EED: variants seen among roughly 807,000 people sequenced by gnomAD.
EED encodes the protein polycomb protein EED.
In EED, 9 loss-of-function variants were observed where a neutral mutation model predicts 61.0. That is an observed-to-expected ratio of 0.15 (90% CI 0.09 to 0.26). EED has a LOEUF of 0.26. EED is among the 10% of genes least tolerant of loss of function. The probability of loss-of-function intolerance (pLI) is 1.00; values close to 1 mark genes in which losing one functional copy is unlikely to be tolerated. For missense variants in EED, 315 were observed against 542.3 expected, an observed-to-expected ratio of 0.58 and a Z score of 4.16; for synonymous variants, 187 against 174.4, an observed-to-expected ratio of 1.07 and a Z score of -0.57.
intron 1 of EED, among the ~76,000 whole-genome samples, chr11:86,247,368 C>T (rs1474666090): frequency 6.6e-6 from 1 of 152,168 alleles, no homozygotes; most frequent in African/African-American, 2.4e-5. Flanking sequence ...AAATTGTACA[C>T]CATGTTATAA....
At chr11:86,280,182 C>T (rs979961081), downstream of EED, among the ~76,000 whole-genome samples, 7 of 152,118 alleles carry the variant, frequency 4.6e-5, no homozygotes, top group African/African-American at 1.7e-4. Flanking sequence ...CCTCTGTCTC[C>T]CAGGCTCAAG....
chr11:86,250,311 A>G lies in EED; in HGVS notation c.130A>G (p.Ile44Val), dbSNP rs749513327. ...CTGCTTACAGGATGACGCTGTCAGT[A>G]TAGAAAGTGGTACAAACACTGAACG... ...SGDENDDAVS[I>V]ESGTNTERPD... The change falls in exon 2 of 12, where the codon ATA becomes GTA. Residue 44 changes from isoleucine to valine, a missense_variant. Physicochemically the swap from Ile to Val is conservative, Grantham distance 29. This residue lies in a region of EED where 110 missense variants were observed against 86.9 expected (regional missense o/e 1.27). Transcript: ENST00000263360. 1.8e-5 allele frequency: 29 copies of G among 1,582,624 alleles called. No homozygotes were observed. Among genetic ancestry groups the G allele is most frequent in the South Asian group, 1.5e-4 (13 of 86,350 alleles).
intron 4 of EED, 119 bp downstream of exon 4, chr11:86,255,406 T>C: frequency 1.3e-6 from 1 of 783,938 alleles, no homozygotes; most frequent in Non-Finnish European, 2.0e-6. Flanking sequence ...AACCGATTTC[T>C]TCACTATCAC....
At chr11:86,251,830 C>G (rs771025302) in intron 2 of EED, among the ~76,000 whole-genome samples, 1 of 152,090 alleles carries the variant, frequency 6.6e-6, no homozygotes, top group African/African-American at 2.4e-5. Flanking sequence ...CAAAATTATC[C>G]AGTTTATTGT....
chr11:86,270,024 T>C (rs1946075408), intron 9 of EED: 2 of 657,202 alleles, frequency 3.0e-6, no homozygotes, highest in East Asian at 5.7e-5. Flanking sequence ...AGGAGGGCAA[T>C]TGCTGGGTTG....
Position 86,270,361 on chromosome 11 carries a change from T to C in EED, c.966+1800T>C, listed in dbSNP as rs1486936976. Among the ~76,000 whole-genome samples the C allele has an allele frequency of 7.9e-5, 12 of 151,506 alleles. No homozygotes were observed. In the South Asian group the frequency reaches 2.5e-3, roughly 31 times the overall value. ...TGGATTGGTTTTTTGTTGTGTTTTTTTTTTTTTTTTAACTGTTGAGTTTTG... is the reference window on the plus strand; with the variant it reads ...TGGATTGGTTTTTTGTTGTGTTTTTCTTTTTTTTTTAACTGTTGAGTTTTG... On this transcript the variant is annotated intron_variant, in intron 9 of 11. Coordinates refer to ENST00000263360, the MANE Select transcript of EED (RefSeq NM_003797.5).
At chr11:86,268,335 A>C in intron 8 of EED, 121 bp from the exon 9 acceptor site, 1 of 585,332 alleles carries the variant, frequency 1.7e-6, no homozygotes, top group Non-Finnish European at 2.9e-6. Flanking sequence ...ATGTAGGAAC[A>C]CAGAGGAATT....
In EED at chr11:86,278,383, C is replaced by T. The variant is rs1421012313; in HGVS notation, c.1200-16C>T. On this transcript the variant is annotated splice_polypyrimidine_tract_variant and intron_variant, in intron 11 of 11. Transcript: ENST00000263360. ...TTATGTGTGGTCTTTAACCTGTTGT[C>T]ATGTTTTTTCCCTAGATGTACAACA... 6.2e-7 allele frequency: 1 copy of T among 1,610,220 alleles called. No homozygotes were observed. The highest frequency in any genetic ancestry group is 8.5e-7 in the Non-Finnish European group (1 of 1,177,688).
rs1050873043 is a variant in EED, at chr11:86,244,867, G to C, written c.-363G>C. 2.0e-5 allele frequency: 5 copies of C among 248,098 alleles called. No individual in the cohort carries two copies. Among genetic ancestry groups the C allele is most frequent in the African/African-American group, 4.4e-5 (2 of 45,318 alleles). The allele number at this position is 248,098 out of a possible 1,614,324, so 15.4% of individuals were successfully genotyped here. On this transcript the variant is annotated 5_prime_UTR_variant, in exon 1 of 12. Transcript: ENST00000263360. ...GTGAGGGAGCATCCCTTTGAGTTTC[G>C]CCTCTTCTCGAGGCGGTGGTGGGAA...
At chr11:86,250,529 A>C in intron 2 of EED, 81 bp downstream of exon 2, 1 of 1,368,690 alleles carries the variant, frequency 7.3e-7, no homozygotes, top group Non-Finnish European at 9.6e-7. Context: ...CGTACTCAGG[A>C]TACTCTGTCA....
At chr11:86,264,384 C>A in intron 7 of EED, 121 bp downstream of exon 7, 1 of 618,722 alleles carries the variant, frequency 1.6e-6, no homozygotes. Context: ...CATTCACTTA[C>A]ATTTGACATA....
At chr11:86,258,414 C>T (rs529047333) in intron 6 of EED, among the ~76,000 whole-genome samples, 6 of 152,254 alleles carry the variant, frequency 3.9e-5, no homozygotes, top group African/African-American at 1.4e-4. Context: ...AAATCACTAC[C>T]TCTAGGAAGA....
chr11:86,272,353 C>T (rs922959702), intron 9 of EED, among the ~76,000 whole-genome samples: 3 of 151,892 alleles, frequency 2.0e-5, no homozygotes, highest in African/African-American at 4.8e-5. Context: ...CCACCGCGCC[C>T]GGCCACTGTT....
At chr11:86,271,922 G>C (rs1946120320) in intron 9 of EED, among the ~76,000 whole-genome samples, 1 of 144,704 alleles carries the variant, frequency 6.9e-6, no homozygotes, top group East Asian at 2.0e-4. Flanking sequence ...GTATTCGTGA[G>C]GTATGATACT....
chr11:86,258,554 G>GTTTT lies in EED; in HGVS notation c.634+958_634+959insTTTT, dbSNP rs768325009. The stretch of plus-strand genomic sequence containing the variant: ...TTTTTTTCTCTTTTCTTTGTTTTTT[G>GTTTT]GTTTTTTTTTTTTTTTTTGAGACAA... On this transcript the variant is annotated intron_variant, in intron 6 of 11. Coordinates refer to ENST00000263360, the MANE Select transcript of EED (RefSeq NM_003797.5). 2.5e-3 allele frequency among the ~76,000 whole-genome samples: 354 copies of GTTTT among 143,602 alleles called. 7 individuals are homozygous for GTTTT. In the East Asian group the frequency reaches 0.039, roughly 16 times the overall value. 94.2% of individuals were successfully genotyped at this position (143,602 alleles called of 152,430 possible).
the EED span, among the ~76,000 whole-genome samples, chr11:86,286,306 G>A: frequency 1.3e-5 from 2 of 152,074 alleles, no homozygotes; most frequent in Non-Finnish European, 2.9e-5. Context: ...CTCCCAAAGT[G>A]CTGGGATTAC....
chr11:86,270,358 T>G (rs1354828824), intron 9 of EED, among the ~76,000 whole-genome samples: 6 of 142,164 alleles, frequency 4.2e-5, no homozygotes, highest in African/African-American at 1.0e-4. Context: ...TTGTTGTGTT[T>G]TTTTTTTTTT....
At chr11:86,283,449 G>T (rs546523744), downstream of EED, among the ~76,000 whole-genome samples, 2 of 152,024 alleles carry the variant, frequency 1.3e-5, no homozygotes, top group East Asian at 3.9e-4. Flanking sequence ...TGCTTATTTG[G>T]TTTATTGTAT....
chr11:86,265,838 T>G (rs1157450877), intron 7 of EED: 1 of 257,728 alleles, frequency 3.9e-6, no homozygotes, highest in Non-Finnish European at 7.3e-6. Context: ...TAAAACTAAG[T>G]TTAAGTAATT....
Sources: allele counts gnomAD v4.1 joint callset (sites outside exome capture counted in the v4.1 genomes callset), GRCh38; gene constraint gnomAD v4.1.1; regional missense constraint gnomAD v4.1.1; transcripts MANE v1.5; gene names NCBI Gene and HGNC (gene_info 2026-07-23, HGNC 2026-07-21).